The following XPO5 variants were observed in gnomAD, a reference collection of about 807,000 sequenced individuals.
XPO5 encodes the protein exportin 5, also known as exportin-5.
XPO5 carries 46 observed loss-of-function variants against 160.6 expected under a neutral mutation model. The observed-to-expected ratio is 0.29, with a 90% CI of 0.23 to 0.37. XPO5 has a LOEUF of 0.37. XPO5 is among the 10% of genes least tolerant of loss of function. The probability of loss-of-function intolerance (pLI) is 1.00; values close to 1 mark genes in which losing one functional copy is unlikely to be tolerated. For synonymous variants in XPO5, 537 were observed against 519.3 expected (o/e 1.03, Z -0.46); for missense variants, 1,090 against 1,463.9 (o/e 0.74, Z 4.17).
chr6:43,524,367 A>T (rs1428092270), intron 31 of XPO5, 104 bp downstream of exon 31: 1 of 1,430,042 alleles, frequency 7.0e-7, no homozygotes. Flanking sequence ...AAAAAAAAAA[A>T]AAAATCTCAC....
In XPO5 at chr6:43,551,448, A is replaced by G; in HGVS notation, c.1578T>C (p.Ile526=). Residue 526 remains isoleucine (I), a synonymous_variant, in exon 15 of 32, where the codon ATT becomes ATC. Transcript: ENST00000265351. ...QMFRTLNREE[I]PVNDGIELLQ... ...ATAGCTCTATTCCATCATTAACAGG[A>G]ATTTCCTGTAACAAAGACATAAAAC... The G allele has an allele frequency of 6.2e-7, 1 of 1,611,804 alleles. No homozygotes were observed. The highest frequency in any genetic ancestry group is 8.5e-7 in the Non-Finnish European group (1 of 1,179,336).
In XPO5 at chr6:43,556,189, A is replaced by G. The variant is rs1582232450; in HGVS notation, c.1313-225T>C. The G allele has an allele frequency of 1.3e-5, 6 of 473,958 alleles. No homozygotes were observed. The East Asian group carries it at 2.3e-4, about 18-fold the overall frequency. The allele number at this position is 473,958 out of a possible 1,614,324, so 29.4% of individuals were successfully genotyped here. A position where few individuals can be genotyped will look rare whatever the true frequency, so the allele number is the denominator to read the frequency against. ...ACTGTATTACCAGCTAGATCCTGTA[A>G]GTGGCAAACTAAACTTAGTCTCCCA... On this transcript the variant is annotated intron_variant, in intron 12 of 31. Transcript: ENST00000265351.
intron 21 of XPO5, 88 bp from the exon 22 acceptor site, chr6:43,531,663 G>T: frequency 8.6e-7 from 1 of 1,164,102 alleles, no homozygotes; most frequent in Non-Finnish European, 1.3e-6. Flanking sequence ...CTGTTGTTCA[G>T]GGGTGAAGAT....
chr6:43,572,198 C>G (rs752364267), intron 3 of XPO5, among the ~76,000 whole-genome samples: 16 of 152,208 alleles, frequency 1.1e-4, no homozygotes, highest in African/African-American at 3.4e-4. Flanking sequence ...CCACCTCAGC[C>G]TCCTGAGTAG....
At chr6:43,569,625 C>T (rs1028350020) in intron 5 of XPO5, among the ~76,000 whole-genome samples, 3 of 151,076 alleles carry the variant, frequency 2.0e-5, no homozygotes, top group Non-Finnish European at 1.5e-5. Context: ...CTCAGCTACC[C>T]GGGAGGCTGA....
At chr6:43,548,158 T>G (rs957878348) in intron 18 of XPO5, 103 bp downstream of exon 18, 1 of 1,145,380 alleles carries the variant, frequency 8.7e-7, no homozygotes, top group African/African-American at 1.6e-5. Context: ...GATAATGCCA[T>G]CACACTTCAA....
intron 1 of XPO5, 129 bp from the exon 2 acceptor site, chr6:43,573,730 T>A: frequency 9.0e-7 from 1 of 1,114,648 alleles, no homozygotes; most frequent in Non-Finnish European, 1.2e-6. Context: ...TCTGGGAGGC[T>A]GAGATGGGTG....
rs1486542477 is a variant in XPO5 at position 43,575,950 on chromosome 6, G to A, written c.-86C>T. 1 of 1,365,498 alleles carries A rather than the reference G, an allele frequency of 7.3e-7. No individual in the cohort carries two copies. The highest frequency in any genetic ancestry group is 1.0e-6 in the Non-Finnish European group (1 of 984,392). The allele number at this position is 1,365,498 out of a possible 1,614,324, so 84.6% of individuals were successfully genotyped here. On this transcript the variant is annotated 5_prime_UTR_variant, in exon 1 of 32. Transcript: ENST00000265351. ...GCTCCCTCGGCGAGACCACCCGTTGGTACCGGGCCGCGGCGGGCGGCGGGG... is the reference window on the plus strand; with the variant it reads ...GCTCCCTCGGCGAGACCACCCGTTGATACCGGGCCGCGGCGGGCGGCGGGG...
At chr6:43,539,299 G>A (rs1412533858) in intron 20 of XPO5, 7 of 1,544,668 alleles carry the variant, frequency 4.5e-6, no homozygotes, top group Non-Finnish European at 6.2e-6. Context: ...GACCGACGTG[G>A]CCACTGTAGT....
intron 23 of XPO5, chr6:43,529,378 TAAAAAA>T (rs35493258): frequency 4.1e-4 from 50 of 121,646 alleles, no homozygotes; most frequent in Admixed American, 8.1e-4. Context: ...CCGTCTCTAC[TAAAAAA>T]AAAAAAAAAA....
intron 10 of XPO5, among the ~76,000 whole-genome samples, chr6:43,560,675 G>A (rs1239181326): frequency 6.6e-6 from 1 of 152,090 alleles, no homozygotes; most frequent in Non-Finnish European, 1.5e-5. Flanking sequence ...AACCACCTGG[G>A]ACACACCTCA....
chr6:43,567,549 TG>T (rs1762757746), intron 6 of XPO5, among the ~76,000 whole-genome samples, 195 bp from the exon 7 acceptor site: 2 of 152,138 alleles, frequency 1.3e-5, no homozygotes, highest in Admixed American at 6.6e-5. Context: ...AAGACCATAC[TG>T]GCATGTGTGG....
At chr6:43,530,940 G>C (rs1793933126) in intron 22 of XPO5, 116 bp from the exon 23 acceptor site, 1 of 1,326,760 alleles carries the variant, frequency 7.5e-7, no homozygotes, top group Admixed American at 2.9e-5. Context: ...CAGAAGAGCA[G>C]TTGTATTTAC....
At chr6:43,527,827 TCTC>T in intron 25 of XPO5, 96 bp from the exon 26 acceptor site, 6 of 1,344,970 alleles carry the variant, frequency 4.5e-6, no homozygotes, top group African/African-American at 2.9e-5. Context: ...ACCACTTTCT[TCTC>T]CTTTGGGTCT....
rs560188530 is a variant in XPO5 at position 43,565,818 on chromosome 6, T to C, written c.835-82A>G. ...TCTTCTGTAAGTATATAATCAAATA[T>C]ATTGACTTCATAATTTCTTATATAC... On this transcript the variant is annotated intron_variant, in intron 7 of 31. Coordinates refer to ENST00000265351, the MANE Select transcript of XPO5 (RefSeq NM_020750.3). 48 of 1,109,876 alleles carry C rather than the reference T, an allele frequency of 4.3e-5. No homozygotes were observed. In the African/African-American group the frequency reaches 7.2e-4, roughly 17 times the overall value. 68.8% of individuals were successfully genotyped at this position (1,109,876 alleles called of 1,614,324 possible).
At chr6:43,524,062 T>C in intron 31 of XPO5, 57 bp from the exon 32 acceptor site, 2 of 1,585,572 alleles carry the variant, frequency 1.3e-6, no homozygotes, top group East Asian at 2.3e-5. Context: ...AGTTAAAAGA[T>C]TCTCTTGGCC....
rs1345697412 is a variant in XPO5 at position 43,522,819 on chromosome 6, G to C, written c.*1049C>G. 1 of 356,262 alleles carries C rather than the reference G, an allele frequency of 2.8e-6. No individual in the cohort carries two copies. Among genetic ancestry groups the C allele is most frequent in the Admixed American group, 3.0e-5 (1 of 33,650 alleles). The allele number at this position is 356,262 out of a possible 1,614,324, so 22.1% of individuals were successfully genotyped here. A position where few individuals can be genotyped will look rare whatever the true frequency, so the allele number is the denominator to read the frequency against. Reference sequence around the variant, plus strand: ...TGCCTTACGGCCAGTAATAACCTCAGGGCCAGGTCCCGTATCCATGTCCTC... The same window carrying C: ...TGCCTTACGGCCAGTAATAACCTCACGGCCAGGTCCCGTATCCATGTCCTC... On this transcript the variant is annotated 3_prime_UTR_variant, in exon 32 of 32. Coordinates refer to ENST00000265351, the MANE Select transcript of XPO5 (RefSeq NM_020750.3).
intron 15 of XPO5, 116 bp from the exon 16 acceptor site, chr6:43,550,050 C>T (rs1795153962): frequency 4.6e-6 from 5 of 1,089,796 alleles, no homozygotes; most frequent in Non-Finnish European, 6.8e-6. Flanking sequence ...CCTGCTTTAG[C>T]CTTCTGAGTA....
chr6:43,549,131 G>A (rs1795107801), intron 17 of XPO5, among the ~76,000 whole-genome samples: 1 of 152,122 alleles, frequency 6.6e-6, no homozygotes, highest in Admixed American at 6.6e-5. Context: ...GCGTGATCTT[G>A]GCTCACTGCA....
Sources: gnomAD v4.1 joint callset for allele counts (sites outside exome capture counted in the v4.1 genomes callset) on GRCh38, gnomAD v4.1.1 for gene constraint, MANE v1.5 for transcripts, NCBI Gene and HGNC (gene_info 2026-07-23, HGNC 2026-07-21) for gene names.